Variants in CAMK2D observed in about 807,000 individuals in gnomAD.
CAMK2D encodes calcium/calmodulin-dependent protein kinase type II subunit delta.
A neutral mutation model predicts 84.0 loss-of-function variants in CAMK2D; 37 were observed. The observed-to-expected ratio is 0.44, with a 90% CI of 0.34 to 0.58. The LOEUF is 0.58. Among genes scored for constraint, CAMK2D ranks in the 20% least tolerant of loss-of-function variants. CAMK2D has a pLI of 0.02. For missense variants in CAMK2D, 448 were observed against 652.5 expected (o/e 0.69, Z 3.41); for synonymous variants, 202 against 212.5 (o/e 0.95, Z 0.43).
At chr4:113,540,363 A>G (rs2154190050) in intron 6 of CAMK2D, among the ~76,000 whole-genome samples, 1 of 152,308 alleles carries the variant, frequency 6.6e-6, no homozygotes. Flanking sequence ...ATTTGCTACT[A>G]TTCCACTATT....
intron 2 of CAMK2D, among the ~76,000 whole-genome samples, chr4:113,695,090 C>T (rs1210048770): frequency 6.6e-6 from 1 of 152,154 alleles, no homozygotes; most frequent in Non-Finnish European, 1.5e-5. Flanking sequence ...ACAATAAGCA[C>T]TTACTCTGAT....
intron 4 of CAMK2D, among the ~76,000 whole-genome samples, chr4:113,583,588 C>A (rs1246988274): frequency 1.3e-5 from 2 of 152,138 alleles, no homozygotes. Flanking sequence ...TGCCCAGAAA[C>A]AACATATCTC....
intron 3 of CAMK2D, among the ~76,000 whole-genome samples, chr4:113,645,897 A>T (rs1356260068): frequency 6.6e-6 from 1 of 152,204 alleles, no homozygotes; most frequent in African/African-American, 2.4e-5. Flanking sequence ...TGAGAAACAC[A>T]TCAAAGATCA....
chr4:113,633,893 T>A (rs1324040285), intron 3 of CAMK2D, among the ~76,000 whole-genome samples: 1 of 152,250 alleles, frequency 6.6e-6, no homozygotes, highest in Non-Finnish European at 1.5e-5. Context: ...GATAAATCTT[T>A]AGTAGTTGTT....
intron 2 of CAMK2D, among the ~76,000 whole-genome samples, chr4:113,718,034 T>A (rs1191292446): frequency 6.6e-6 from 1 of 151,998 alleles, no homozygotes; most frequent in East Asian, 1.9e-4. Context: ...TCAAGCAGAA[T>A]AGAAACAAAA....
At chr4:113,546,192 A>C (rs976400072) in intron 6 of CAMK2D, among the ~76,000 whole-genome samples, 20 of 152,218 alleles carry the variant, frequency 1.3e-4, no homozygotes, top group African/African-American at 4.8e-4. Context: ...TGCACAAATG[A>C]TGTGCATGTT....
At chr4:113,515,034 T>G in intron 10 of CAMK2D, 35 bp downstream of exon 10, 1 of 1,591,938 alleles carries the variant, frequency 6.3e-7, no homozygotes, top group Non-Finnish European at 8.6e-7. Flanking sequence ...TATTTTTCAT[T>G]TTAGTTCTTG....
chr4:113,737,265 T>C (rs2099583361), intron 2 of CAMK2D, among the ~76,000 whole-genome samples: 1 of 152,182 alleles, frequency 6.6e-6, no homozygotes, highest in Admixed American at 6.5e-5. Flanking sequence ...AACAGACGAA[T>C]GGATAAACTG....
chr4:113,522,137 GT>G (rs1223018593), intron 8 of CAMK2D, among the ~76,000 whole-genome samples: 2 of 152,138 alleles, frequency 1.3e-5, no homozygotes, highest in East Asian at 3.9e-4. Context: ...AAAAGTTAAT[GT>G]TAAAAAAGTT....
At chr4:113,632,735 A>C (rs2099095148) in intron 3 of CAMK2D, among the ~76,000 whole-genome samples, 1 of 152,204 alleles carries the variant, frequency 6.6e-6, no homozygotes, top group Non-Finnish European at 1.5e-5. Flanking sequence ...ATAGTCAGTA[A>C]ATGTTACCCT....
chr4:113,696,176 A>G (rs1380002112), intron 2 of CAMK2D, among the ~76,000 whole-genome samples: 2 of 75,096 alleles, frequency 2.7e-5, no homozygotes, highest in African/African-American at 9.1e-5. Context: ...CACTTGACAG[A>G]CAGACACACA....
At chr4:113,485,539 T>G (rs1359926048) in intron 16 of CAMK2D, among the ~76,000 whole-genome samples, 1 of 152,228 alleles carries the variant, frequency 6.6e-6, no homozygotes, top group East Asian at 1.9e-4. Context: ...TATCTCCCTT[T>G]AGACATAGTC....
rs77860329 is a variant in CAMK2D, at chr4:113,549,330, A to T, written c.342-1614T>A. 8.2e-3 allele frequency among the ~76,000 whole-genome samples: 1,256 copies of T among 152,326 alleles called. 20 individuals carry two copies. The highest frequency in any genetic ancestry group is 0.029 in the African/African-American group (1,198 of 41,576). ...GAGAATTTAAAGTAAACTCATGAATAAAATAAACCCCTCTTTAGTGTAAGA... is the reference window on the plus strand; with the variant it reads ...GAGAATTTAAAGTAAACTCATGAATTAAATAAACCCCTCTTTAGTGTAAGA... On this transcript the variant is annotated intron_variant, in intron 5 of 20. Coordinates refer to ENST00000511664, the MANE Select transcript of CAMK2D (RefSeq NM_001321571.2).
chr4:113,460,104 G>A (rs1300614746), intron 18 of CAMK2D, 43 bp downstream of exon 18: 1 of 1,135,206 alleles, frequency 8.8e-7, no homozygotes, highest in South Asian at 1.3e-5. Context: ...AAAATTCAGA[G>A]AGGTTTAAAA....
chr4:113,679,468 C>A, intron 2 of CAMK2D: 1 of 974,934 alleles, frequency 1.0e-6, no homozygotes, highest in Non-Finnish European at 1.2e-6. Flanking sequence ...ATTCCAGCCA[C>A]ATATTCTCCA....
chr4:113,693,294 G>T (rs2099393680), intron 2 of CAMK2D, among the ~76,000 whole-genome samples: 1 of 152,130 alleles, frequency 6.6e-6, no homozygotes, highest in Non-Finnish European at 1.5e-5. Flanking sequence ...TAGGAGACCA[G>T]CCTGGAAGTC....
intron 3 of CAMK2D, among the ~76,000 whole-genome samples, chr4:113,634,722 G>A (rs61266243): frequency 0.021 from 3,124 of 152,232 alleles, 119 homozygotes; most frequent in African/African-American, 0.069. Flanking sequence ...TTGATTCTGT[G>A]CCAGGAGACT....
chr4:113,739,586 T>A (rs1462071769), intron 2 of CAMK2D, among the ~76,000 whole-genome samples: 1 of 152,196 alleles, frequency 6.6e-6, no homozygotes, highest in Admixed American at 6.5e-5. Flanking sequence ...TTCTTTCTAG[T>A]AATAATTGAC....
chr4:113,507,320 G>A (rs1202761022), intron 13 of CAMK2D, among the ~76,000 whole-genome samples: 3 of 151,504 alleles, frequency 2.0e-5, no homozygotes. Flanking sequence ...GCGCGATCTC[G>A]GCTCACTGAA....
Sources: gnomAD v4.1 joint callset for allele counts (sites outside exome capture counted in the v4.1 genomes callset) on GRCh38, gnomAD v4.1.1 for gene constraint, MANE v1.5 for transcripts, NCBI Gene and HGNC (gene_info 2026-07-23, HGNC 2026-07-21) for gene names.